TRPV1: variants seen among roughly 807,000 people sequenced by gnomAD.
TRPV1 encodes the protein transient receptor potential cation channel subfamily V member 1, also known as OTRPC1.
In TRPV1, 82 loss-of-function variants were observed where a neutral mutation model predicts 82.3. The ratio of observed to expected loss-of-function variants is 1.00; its 90% confidence interval spans 0.83 to 1.20. TRPV1 has a LOEUF of 1.20. Ranked by LOEUF, TRPV1 falls within the 50% of genes most tolerant of loss-of-function variation. The pLI, the probability that TRPV1 is intolerant of heterozygous loss-of-function variation, is 0.00. For missense variants in TRPV1, 1,067 were observed against 1,096.8 expected (o/e 0.97, Z 0.38); for synonymous variants, 515 against 467.7 (o/e 1.10, Z -1.30).
chr17:3,583,287 CT>C, intron 10 of TRPV1, 50 bp downstream of exon 10: 1 of 1,495,910 alleles, frequency 6.7e-7, no homozygotes. Flanking sequence ...ATCTTCTTGG[CT>C]TTTTGTTTTG....
chr17:3,583,281 T>C, intron 10 of TRPV1, 57 bp downstream of exon 10: 2 of 1,447,910 alleles, frequency 1.4e-6, no homozygotes, highest in Non-Finnish European at 1.9e-6. Context: ...TGAGGGATCT[T>C]CTTGGCTTTT....
rs2075142580 is a variant in TRPV1 at position 3,590,407 on chromosome 17, C to T, written c.605-15G>A. 6.2e-7 allele frequency: 1 copy of T among 1,611,222 alleles called. No individual in the cohort carries two copies. Reference sequence around the variant, plus strand: ...TGCTGTCTGGCCTACAGAGGACGCGCACGGTTGGCTTCGTGGTCACGGTCC... The same window carrying T: ...TGCTGTCTGGCCTACAGAGGACGCGTACGGTTGGCTTCGTGGTCACGGTCC... On this transcript the variant is annotated splice_polypyrimidine_tract_variant and intron_variant, in intron 5 of 16. Transcript: ENST00000572705.
In TRPV1 at chr17:3,591,215, C is replaced by T; in HGVS notation, c.423G>A (p.Lys141=). ...ESLLLFLQKS[K]KHLTDNEFKD... ...TGAACTCGTTGTCTGTGAGGTGCTT[C>T]TTGCTCTTCTGCAGGAAGAGCAGCA... The change falls in exon 4 of 17, where the codon AAG becomes AAA. Residue 141 remains lysine, a synonymous_variant. Coordinates refer to ENST00000572705, the MANE Select transcript of TRPV1 (RefSeq NM_080704.4). The T allele has an allele frequency of 6.2e-7, 1 of 1,612,144 alleles. No homozygotes were observed. The highest frequency in any genetic ancestry group is 8.5e-7 in the Non-Finnish European group (1 of 1,179,288).
chr17:3,583,509 T>C (rs1191929961), intron 9 of TRPV1, 79 bp from the exon 10 acceptor site: 5 of 1,190,326 alleles, frequency 4.2e-6, no homozygotes, highest in Admixed American at 4.1e-5. Flanking sequence ...CATGAAGCCA[T>C]AGTCCCTGCC....
intron 8 of TRPV1, 37 bp downstream of exon 8, chr17:3,588,151 C>G: frequency 6.5e-7 from 1 of 1,539,906 alleles, no homozygotes; most frequent in East Asian, 2.5e-5. Context: ...GGTGCAGAGG[C>G]CCTGAGGCCC....
chr17:3,568,777 C>T (rs556259471), intron 16 of TRPV1, among the ~76,000 whole-genome samples: 5 of 152,216 alleles, frequency 3.3e-5, no homozygotes, highest in African/African-American at 1.2e-4. Flanking sequence ...CACGGTGGCT[C>T]GCACCTGTCA....
intron 11 of TRPV1, among the ~76,000 whole-genome samples, chr17:3,580,024 C>A (rs2074985549): frequency 2.8e-5 from 2 of 71,868 alleles, no homozygotes; most frequent in Admixed American, 3.0e-4. Context: ...ACAGGGCAGC[C>A]CCCGCCCCGC....
chr17:3,580,881 T>C (rs1370116264), intron 10 of TRPV1, among the ~76,000 whole-genome samples: 1 of 152,134 alleles, frequency 6.6e-6, no homozygotes, highest in Non-Finnish European at 1.5e-5. Flanking sequence ...TAGCTGCGCG[T>C]GGTGGCGGGC....
At chr17:3,597,513 A>C (rs2075230068) in intron 2 of TRPV1, among the ~76,000 whole-genome samples, 1 of 152,118 alleles carries the variant, frequency 6.6e-6, no homozygotes. Context: ...ACCTTGAACT[A>C]GTCCCTAACT....
chr17:3,585,739 G>T (rs201619440), intron 9 of TRPV1, 29 bp downstream of exon 9: 3 of 1,602,994 alleles, frequency 1.9e-6, no homozygotes, highest in Non-Finnish European at 2.6e-6. Context: ...CCACACCCTC[G>T]CCCACGAGGC....
At chr17:3,570,183 C>T (rs1251461948) in intron 16 of TRPV1, among the ~76,000 whole-genome samples, 2 of 152,080 alleles carry the variant, frequency 1.3e-5, no homozygotes, top group Non-Finnish European at 2.9e-5. Flanking sequence ...ACCTGGCCAA[C>T]ATGGTGAAAA....
rs1159485883 is a variant in TRPV1 at position 3,602,404 on chromosome 17, ACTC to A, written c.-34+6020_-34+6022del. 10 of 151,668 alleles carry A rather than the reference ACTC, an allele frequency of 6.6e-5. No homozygotes were observed. The East Asian group carries it at 1.9e-3, about 29-fold the overall frequency. 9.4% of individuals were successfully genotyped at this position (151,668 alleles called of 1,614,324 possible). ...ACCTTCACGGAGTGATTCCACTAAA[ACTC>A]TCGACATGGTGGCGGGGACAAGACC... is the stretch of plus-strand genomic sequence containing the variant. On this transcript the variant is annotated intron_variant, in intron 2 of 16. Coordinates refer to ENST00000572705, the MANE Select transcript of TRPV1 (RefSeq NM_080704.4).
At chr17:3,587,328 AAG>A (rs1328736264) in intron 8 of TRPV1, among the ~76,000 whole-genome samples, 2 of 152,190 alleles carry the variant, frequency 1.3e-5, no homozygotes, top group Non-Finnish European at 2.9e-5. Context: ...GATGTCGTGG[AAG>A]CCCCTCACTG....
intron 9 of TRPV1, chr17:3,585,480 G>A (rs1317214253): frequency 2.3e-5 from 8 of 351,354 alleles, no homozygotes; most frequent in East Asian, 5.7e-5. Context: ...AGTACACCCC[G>A]TCTACAATCA....
At chr17:3,568,644 A>C (rs943000242) in intron 16 of TRPV1, among the ~76,000 whole-genome samples, 5 of 152,198 alleles carry the variant, frequency 3.3e-5, no homozygotes, top group Admixed American at 6.5e-5. Flanking sequence ...AAAATAGGCA[A>C]CATACAGGCA....
At chr17:3,603,929 G>T (rs1164950355) in intron 2 of TRPV1, among the ~76,000 whole-genome samples, 2 of 152,140 alleles carry the variant, frequency 1.3e-5, no homozygotes, top group African/African-American at 4.8e-5. Flanking sequence ...CAACAGGGTG[G>T]TCTCTGCGCT....
Position 3,573,534 on chromosome 17 carries a change from C to CCA in TRPV1, c.2103+98_2103+99insTG. 7 of 143,762 alleles carry CCA rather than the reference C, an allele frequency of 4.9e-5. 1 individual carries two copies. The highest frequency in any genetic ancestry group is 2.5e-4 in the South Asian group (1 of 3,936). The allele number at this position is 143,762 out of a possible 1,614,324, so 8.9% of individuals were successfully genotyped here. On this transcript the variant is annotated intron_variant, in intron 14 of 16. Transcript: ENST00000572705. The stretch of plus-strand genomic sequence containing the variant: ...CCATACCCTCCTGGCCACACACCGC[C>CCA]CCCACCACCCACCCACCTGCAGCCA...
At chr17:3,606,804 C>T (rs1238766953) in intron 2 of TRPV1, among the ~76,000 whole-genome samples, 5 of 152,160 alleles carry the variant, frequency 3.3e-5, no homozygotes, top group African/African-American at 4.8e-5. Context: ...CAGAGAGTTC[C>T]GGGGCCACAC....
At chr17:3,569,886 TAGGGGCCAAGGGGTTAGGGGCC>T (rs1489470933) in intron 16 of TRPV1, among the ~76,000 whole-genome samples, 2 of 147,320 alleles carry the variant, frequency 1.4e-5, no homozygotes, top group Admixed American at 6.9e-5. Context: ...GAAAACAGAA[TAGGGGCCAAGGGGTTAGGGGCC>T]AGGGGCCAAG....
Sources: gnomAD v4.1 joint callset for allele counts (sites outside exome capture counted in the v4.1 genomes callset) on GRCh38, gnomAD v4.1.1 for gene constraint, MANE v1.5 for transcripts, NCBI Gene and HGNC (gene_info 2026-07-23, HGNC 2026-07-21) for gene names.